CCAR1: variants seen among roughly 807,000 people sequenced by gnomAD.
CCAR1 encodes cell division cycle and apoptosis regulator protein 1.
A neutral mutation model predicts 163.8 loss-of-function variants in CCAR1; 78 were observed. That is an observed-to-expected ratio of 0.48 (90% CI 0.40 to 0.57). The LOEUF is 0.57. Ranked by LOEUF, CCAR1 falls within the 20% of genes least tolerant of loss-of-function variation. The probability of loss-of-function intolerance (pLI) is 0.00; values close to 1 mark genes in which losing one functional copy is unlikely to be tolerated. For synonymous variants in CCAR1, 443 were observed against 460.7 expected, an observed-to-expected ratio of 0.96 and a Z score of 0.49; for missense variants, 1,019 against 1,365.2, an observed-to-expected ratio of 0.75 and a Z score of 4.00.
Position 68,755,377 on chromosome 10 carries a change from T to G in CCAR1, c.1466T>G (p.Val489Gly). 6.2e-7 allele frequency: 1 copy of G among 1,610,170 alleles called. No individual in the cohort carries two copies. Among genetic ancestry groups the G allele is most frequent in the Non-Finnish European group, 8.5e-7 (1 of 1,178,082 alleles). The stretch of plus-strand genomic sequence containing the variant: ...TTCTTTGTTTTGAATTAGTTTTTAG[T>G]GGGCATGAAAGGCAAGGATGAAGCT... ...QHPARLVKFL[V>G]GMKGKDEAMA... Residue 489 changes from valine to glycine, a missense_variant, in exon 13 of 25, where the codon GTG becomes GGG. Physicochemically the swap from Val to Gly is moderately radical, Grantham distance 109 (BLOSUM62 -3). This residue lies in a region of CCAR1 where 644 missense variants were observed against 904.4 expected (regional missense o/e 0.71). Coordinates refer to ENST00000265872, the MANE Select transcript of CCAR1 (RefSeq NM_018237.4).
At chr10:68,790,996 C>G (rs1009178508) in intron 24 of CCAR1, among the ~76,000 whole-genome samples, 3 of 151,978 alleles carry the variant, frequency 2.0e-5, no homozygotes, top group Non-Finnish European at 4.4e-5. Flanking sequence ...CCACACCTGC[C>G]CCATTCACTG....
chr10:68,787,703 C>T (rs574177351), intron 21 of CCAR1: 230 of 357,278 alleles, frequency 6.4e-4, no homozygotes, highest in African/African-American at 3.4e-3. Context: ...GGCATGATGG[C>T]GGGTGCCTGT....
chr10:68,758,703 G>A (rs2056431416), intron 15 of CCAR1, among the ~76,000 whole-genome samples: 1 of 143,058 alleles, frequency 7.0e-6, no homozygotes. Flanking sequence ...TTTTTTTTGA[G>A]ACAGAGTCTT....
intron 9 of CCAR1, 112 bp downstream of exon 9, chr10:68,749,377 T>G (rs917809673): frequency 2.3e-6 from 3 of 1,298,292 alleles, no homozygotes; most frequent in Non-Finnish European, 3.1e-6. Context: ...TGGTAAATTT[T>G]ATGTTATGTC....
At chr10:68,782,775 GA>G (rs1480891031) in intron 19 of CCAR1, among the ~76,000 whole-genome samples, 1 of 152,048 alleles carries the variant, frequency 6.6e-6, no homozygotes, top group African/African-American at 2.4e-5. Flanking sequence ...ATGCTTTACT[GA>G]ATTTTTTTTT....
chr10:68,786,644 T>G lies in CCAR1; in HGVS notation c.2832T>G (p.Asp944Glu), dbSNP rs1375068618. Residue 944 changes from aspartate to glutamate, a missense_variant, in exon 21 of 25, where the codon GAT (aspartate) becomes GAG (glutamate). Asp to Glu is a conservative substitution (Grantham distance 45). Transcript: ENST00000265872. The part of the protein sequence containing the change: ...QSHCGYLLEK[D>E]LEEILYTLGL... ...ATTGTGGTTACCTTCTTGAAAAGGATTTGGAAGAAATACTTTATACTCTTG... is the reference window on the plus strand; with the variant it reads ...ATTGTGGTTACCTTCTTGAAAAGGAGTTGGAAGAAATACTTTATACTCTTG... 100 of 1,606,706 alleles carry G rather than the reference T, an allele frequency of 6.2e-5. 1 individual carries two copies. In the Admixed American group the frequency reaches 1.7e-3, roughly 27 times the overall value.
At position 68,778,616 on chromosome 10, in the gene CCAR1, T is replaced by C. The variant is rs964647416; in HGVS notation, c.2650+5517T>C. The stretch of plus-strand genomic sequence containing the variant: ...TGCCTGTCTCCCTCTACCCCTACAC[T>C]TGAATAAAAGCTGTTATGTAAGAAA... On this transcript the variant is annotated intron_variant, in intron 19 of 24. Coordinates refer to ENST00000265872, the MANE Select transcript of CCAR1 (RefSeq NM_018237.4). 3.3e-5 allele frequency among the ~76,000 whole-genome samples: 5 copies of C among 152,282 alleles called. No individual in the cohort carries two copies. The East Asian group carries it at 9.6e-4, about 29-fold the overall frequency.
intron 6 of CCAR1, among the ~76,000 whole-genome samples, chr10:68,742,775 T>G (rs1037136614): frequency 1.4e-5 from 2 of 147,876 alleles, no homozygotes; most frequent in Admixed American, 6.8e-5. Context: ...ACCACCACAC[T>G]CGGCTAATTT....
At chr10:68,738,710 A>G (rs2056145270) in intron 4 of CCAR1, among the ~76,000 whole-genome samples, 1 of 152,028 alleles carries the variant, frequency 6.6e-6, no homozygotes, top group Admixed American at 6.5e-5. Context: ...TACTAATCAA[A>G]TTGTGTATGG....
intron 2 of CCAR1, 80 bp from the exon 3 acceptor site, chr10:68,736,796 C>T (rs1048632845): frequency 1.6e-6 from 2 of 1,257,066 alleles, no homozygotes; most frequent in African/African-American, 1.5e-5. Context: ...GTGCGGGTAT[C>T]TCTTCTATGT....
In CCAR1 at chr10:68,761,155, A is replaced by T. The variant is rs1363921525; in HGVS notation, c.2069A>T (p.Asp690Val). 6.2e-7 allele frequency: 1 copy of T among 1,606,220 alleles called. No homozygotes were observed. Among genetic ancestry groups the T allele is most frequent in the African/African-American group, 1.3e-5 (1 of 74,196 alleles). ...KELEKSEKEE[D>V]EDDDRKSEDD... ...TTAGAGAAATCTGAAAAAGAAGAGGATGAGGATGATGATAGGAAATCTGAA... is the reference window on the plus strand; with the variant it reads ...TTAGAGAAATCTGAAAAAGAAGAGGTTGAGGATGATGATAGGAAATCTGAA... The change falls in exon 16 of 25, where the codon GAT becomes GTT. Residue 690 changes from aspartate to valine, a missense_variant. Asp to Val is a radical substitution (Grantham distance 152). Transcript: ENST00000265872.
chr10:68,776,658 G>A (rs1056222830), intron 19 of CCAR1, among the ~76,000 whole-genome samples: 5 of 152,206 alleles, frequency 3.3e-5, no homozygotes, highest in African/African-American at 1.2e-4. Context: ...GGCTTAAGCA[G>A]TCCTCCTCCT....
chr10:68,721,763 G>A (rs1408329599), intron 1 of CCAR1: 3 of 305,382 alleles, frequency 9.8e-6, no homozygotes, highest in Admixed American at 4.5e-5. Context: ...AGCTGGGACT[G>A]GAGGAAGATG....
At chr10:68,729,048 T>C (rs1431774167) in intron 2 of CCAR1, among the ~76,000 whole-genome samples, 1 of 152,130 alleles carries the variant, frequency 6.6e-6, no homozygotes, top group African/African-American at 2.4e-5. Flanking sequence ...CCACTATGTG[T>C]GACTATTAAG....
chr10:68,771,709 G>C (rs575183915), intron 18 of CCAR1, among the ~76,000 whole-genome samples: 55 of 152,060 alleles, frequency 3.6e-4, no homozygotes, highest in African/African-American at 1.3e-3. Context: ...CTTAAACCTG[G>C]GAGGTGGAGG....
intron 2 of CCAR1, among the ~76,000 whole-genome samples, chr10:68,726,997 AAAAAAT>A (rs939693851): frequency 2.7e-5 from 4 of 150,632 alleles, no homozygotes; most frequent in African/African-American, 7.3e-5. Context: ...TCCTCTCAAA[AAAAAAT>A]AAAAATAAAA....
At chr10:68,740,512 A>G (rs951185842) in intron 4 of CCAR1, 117 bp from the exon 5 acceptor site, 1 of 859,346 alleles carries the variant, frequency 1.2e-6, no homozygotes, top group East Asian at 2.7e-5. Flanking sequence ...TTCTGTTTAA[A>G]TACATAAATA....
At chr10:68,731,320 C>G (rs180706237) in intron 2 of CCAR1, among the ~76,000 whole-genome samples, 1 of 152,248 alleles carries the variant, frequency 6.6e-6, no homozygotes, top group Admixed American at 6.5e-5. Context: ...TAAAAATATT[C>G]AAGGATAGCT....
In CCAR1 at chr10:68,734,625, G is replaced by T. The variant is rs536424323; in HGVS notation, c.74-2251G>T. Among the ~76,000 whole-genome samples, 16 of 152,150 alleles carry T rather than the reference G, an allele frequency of 1.1e-4. No homozygotes were observed. The South Asian group carries it at 3.3e-3, about 32-fold the overall frequency. ...AGTGATTCTCGTGCCTCAGCCTCCTGAGGTATAATTCAGTTTAATTCAACT... is the reference window on the plus strand; with the variant it reads ...AGTGATTCTCGTGCCTCAGCCTCCTTAGGTATAATTCAGTTTAATTCAACT... On this transcript the variant is annotated intron_variant, in intron 2 of 24. Transcript: ENST00000265872.
Sources: gnomAD v4.1 joint callset for allele counts (sites outside exome capture counted in the v4.1 genomes callset) on GRCh38, gnomAD v4.1.1 for gene constraint, gnomAD v4.1.1 regional missense constraint, MANE v1.5 for transcripts, NCBI Gene and HGNC (gene_info 2026-07-23, HGNC 2026-07-21) for gene names.